GULP1: variants seen among roughly 807,000 people sequenced by gnomAD.
GULP1 encodes the protein GULP PTB domain containing engulfment adaptor 1, also known as PTB domain-containing engulfment adapter protein 1.
Under a neutral mutation model 40.9 loss-of-function variants are expected in GULP1, and 19 were observed. The observed-to-expected ratio is 0.46, with a 90% CI of 0.32 to 0.68. The LOEUF (loss-of-function observed/expected upper bound fraction) is 0.68. Among genes scored for constraint, GULP1 ranks in the 30% least tolerant of loss-of-function variants. GULP1 has a pLI of 0.03. For missense variants in GULP1, 312 were observed against 362.2 expected (o/e 0.86, Z 1.12); for synonymous variants, 119 against 117.6 (o/e 1.01, Z -0.08).
intron 2 of GULP1, among the ~76,000 whole-genome samples, chr2:188,474,721 T>C (rs1292259306): frequency 2.0e-5 from 3 of 152,158 alleles, no homozygotes; most frequent in African/African-American, 7.2e-5. Context: ...AAGGTTCTTT[T>C]GTTTGTTTGT....
intron 2 of GULP1, among the ~76,000 whole-genome samples, chr2:188,476,394 G>A (rs931333788): frequency 1.3e-5 from 2 of 152,080 alleles, no homozygotes; most frequent in African/African-American, 4.8e-5. Flanking sequence ...GGCAGAGAGT[G>A]GGGAAAGTTT....
chr2:188,544,565 A>G (rs1691416620), intron 7 of GULP1, among the ~76,000 whole-genome samples: 1 of 151,796 alleles, frequency 6.6e-6, no homozygotes. Context: ...TACTAAAAGA[A>G]TACTGAAAAA....
chr2:188,397,436 A>T (rs1239784848), intron 2 of GULP1, among the ~76,000 whole-genome samples: 1 of 152,194 alleles, frequency 6.6e-6, no homozygotes, highest in Admixed American at 6.5e-5. Flanking sequence ...CTGAGACGAT[A>T]AGATTCTTGA....
intron 1 of GULP1, among the ~76,000 whole-genome samples, chr2:188,315,629 T>C (rs1382773988): frequency 1.3e-5 from 2 of 152,118 alleles, no homozygotes; most frequent in Non-Finnish European, 2.9e-5. Flanking sequence ...GCCCCCTTCA[T>C]CCTCAGGAGA....
intron 1 of GULP1, among the ~76,000 whole-genome samples, chr2:188,335,676 C>CA (rs1194406415): frequency 2.6e-5 from 4 of 152,058 alleles, no homozygotes; most frequent in Admixed American, 6.5e-5. Flanking sequence ...GGATTTGACG[C>CA]AAAAAAATGC....
In GULP1 at chr2:188,435,975, C is replaced by G. The variant is rs533032821; in HGVS notation, c.-44-41684C>G. 3.3e-5 allele frequency among the ~76,000 whole-genome samples: 5 copies of G among 152,192 alleles called. No individual in the cohort carries two copies. The East Asian group carries it at 9.6e-4, about 29-fold the overall frequency. On this transcript the variant is annotated intron_variant, in intron 2 of 11. Transcript: ENST00000409830. ...AAGCCAGGTCTACGCATGTTAATTT[C>G]TCTTTTAATTAACTCAAAATCAACT... is the stretch of plus-strand genomic sequence containing the variant.
chr2:188,485,365 G>A (rs529686020), intron 4 of GULP1, among the ~76,000 whole-genome samples: 1 of 151,990 alleles, frequency 6.6e-6, no homozygotes, highest in Non-Finnish European at 1.5e-5. Flanking sequence ...GTAAAATATG[G>A]AAGGGCAGGA....
chr2:188,349,422 A>G (rs1399600637), intron 1 of GULP1, among the ~76,000 whole-genome samples: 1 of 152,146 alleles, frequency 6.6e-6, no homozygotes, highest in Non-Finnish European at 1.5e-5. Context: ...ATGTGTTGTA[A>G]TTTTAGCCAT....
At chr2:188,387,895 T>C (rs2049988127) in intron 2 of GULP1, among the ~76,000 whole-genome samples, 1 of 152,072 alleles carries the variant, frequency 6.6e-6, no homozygotes, top group South Asian at 2.1e-4. Context: ...TTGTTATTAT[T>C]ATACTTTAAG....
intron 1 of GULP1, among the ~76,000 whole-genome samples, chr2:188,355,680 T>C (rs774562960): frequency 3.3e-5 from 5 of 152,020 alleles, no homozygotes; most frequent in Non-Finnish European, 7.4e-5. Flanking sequence ...GTGAGGCCAG[T>C]ATTATCCTGA....
At chr2:188,444,638 T>A (rs1418736825) in intron 2 of GULP1, among the ~76,000 whole-genome samples, 1 of 152,218 alleles carries the variant, frequency 6.6e-6, no homozygotes, top group Admixed American at 6.5e-5. Flanking sequence ...CCACATTGTA[T>A]CATAGTAATT....
At chr2:188,498,434 G>A (rs1450818321) in intron 4 of GULP1, among the ~76,000 whole-genome samples, 1 of 151,804 alleles carries the variant, frequency 6.6e-6, no homozygotes, top group African/African-American at 2.4e-5. Flanking sequence ...AAAATATAGA[G>A]CATAGTCTTT....
intron 1 of GULP1, among the ~76,000 whole-genome samples, chr2:188,325,576 G>A (rs1283758891): frequency 6.6e-6 from 1 of 151,968 alleles, no homozygotes; most frequent in Non-Finnish European, 1.5e-5. Flanking sequence ...TATTATCCTA[G>A]CTATAATTTT....
chr2:188,538,653 A>G (rs1043885497), intron 6 of GULP1, among the ~76,000 whole-genome samples: 34 of 151,712 alleles, frequency 2.2e-4, no homozygotes, highest in African/African-American at 8.0e-4. Context: ...AAACATTCCT[A>G]AGAATGCTGA....
At chr2:188,544,209 G>A (rs1397629802) in intron 7 of GULP1, among the ~76,000 whole-genome samples, 2 of 151,912 alleles carry the variant, frequency 1.3e-5, no homozygotes, top group African/African-American at 4.8e-5. Context: ...CATACCAAGA[G>A]ACAGGTTTCT....
chr2:188,393,985 T>C (rs142612362), intron 2 of GULP1, among the ~76,000 whole-genome samples: 2 of 152,302 alleles, frequency 1.3e-5, no homozygotes, highest in East Asian at 3.9e-4. Flanking sequence ...TTAGATAGCC[T>C]GATATGTGTA....
rs2038174693 is a variant in GULP1, at chr2:188,311,810, TTATACG to T, written c.-172+19649_-172+19654del. On this transcript the variant is annotated intron_variant, in intron 1 of 11. Transcript: ENST00000409830. The stretch of plus-strand genomic sequence containing the variant: ...AAATTTAATATTTGTATGCATATAC[TTATACG>T]TATAAGTATATACATATGTACTATA... Among the ~76,000 whole-genome samples the T allele has an allele frequency of 2.0e-5, 3 of 148,012 alleles. No homozygotes were observed. The Admixed American group carries it at 2.0e-4, about 10-fold the overall frequency.
intron 2 of GULP1, among the ~76,000 whole-genome samples, chr2:188,439,589 G>GTGTGTGTGTATGCGTATTTGTT (rs1201528202): frequency 1.4e-4 from 22 of 151,986 alleles, no homozygotes; most frequent in Admixed American, 1.4e-3. Flanking sequence ...TGCTACTGGT[G>GTGTGTGTGTATGCGTATTTGTT]TGTGTGTGTA....
At chr2:188,464,336 T>C (rs2059945182) in intron 2 of GULP1, among the ~76,000 whole-genome samples, 1 of 152,202 alleles carries the variant, frequency 6.6e-6, no homozygotes, top group Non-Finnish European at 1.5e-5. Context: ...ATTATTGTTC[T>C]CTTCCCTTAC....
Sources: gnomAD v4.1 joint callset for allele counts (sites outside exome capture counted in the v4.1 genomes callset) on GRCh38, gnomAD v4.1.1 for gene constraint, MANE v1.5 for transcripts, NCBI Gene and HGNC (gene_info 2026-07-23, HGNC 2026-07-21) for gene names.